ZNF37A: variants seen among roughly 807,000 people sequenced by gnomAD.
ZNF37A encodes the protein zinc finger protein 37a (KOX 21).
ZNF37A carries 10 observed loss-of-function variants against 12.3 expected under a neutral mutation model. That is an observed-to-expected ratio of 0.82 (90% CI 0.50 to 1.38). ZNF37A has a LOEUF of 1.38. Among genes scored for constraint, ZNF37A ranks in the 40% most tolerant of loss-of-function variants. The pLI is 0.00. For missense variants in ZNF37A, 580 were observed against 651.2 expected (o/e 0.89, Z 1.19); for synonymous variants, 207 against 223.0 (o/e 0.93, Z 0.64).
rs146954381 is a variant in ZNF37A at position 38,145,892 on chromosome 10, G to C, written c.239-840G>C. ...GGCGGGCAGATCACCTGAAGTCAGG[G>C]GCTCGAGACCAGCCTGGTCAACTAT... is the stretch of plus-strand genomic sequence containing the variant. On this transcript the variant is annotated intron_variant, in intron 7 of 7. Coordinates refer to the ZNF37A transcript ENST00000638053. Among the ~76,000 whole-genome samples, 282 of 152,216 alleles carry C rather than the reference G, an allele frequency of 1.9e-3. 8 individuals carry two copies. The East Asian group carries it at 0.048, about 26-fold the overall frequency.
In ZNF37A at chr10:38,118,921, G is replaced by A; in HGVS notation, c.*84G>A. 6.8e-7 allele frequency: 1 copy of A among 1,479,492 alleles called. No individual in the cohort carries two copies. Among genetic ancestry groups the A allele is most frequent in the Admixed American group, 2.4e-5 (1 of 40,940 alleles). The allele number at this position is 1,479,492 out of a possible 1,614,324, so 91.6% of individuals were successfully genotyped here. ...ATAATGAGAACACCTTTGCCCTGAA[G>A]TCAGTTCTCACAGTATAGAAGAGAA... On this transcript the variant is annotated 3_prime_UTR_variant, in exon 8 of 8. Transcript: ENST00000685332.
intron 1 of ZNF37A, 137 bp from the exon 2 acceptor site, chr10:38,094,794 G>C (rs2067013065): frequency 6.6e-6 from 1 of 152,386 alleles, no homozygotes; most frequent in Middle Eastern, 3.4e-3. Flanking sequence ...CCTGTGGTCG[G>C]CGTCGCCGCG....
chr10:38,125,268 A>G (rs753637902), downstream of ZNF37A: 8 of 152,218 alleles, frequency 5.3e-5, no homozygotes, highest in African/African-American at 1.9e-4. Context: ...GGAAATGGAA[A>G]GGCGAGTAAT....
In ZNF37A at chr10:38,117,948, C is replaced by A. The variant is rs764079308; in HGVS notation, c.797C>A (p.Thr266Lys). 2 of 1,613,866 alleles carry A rather than the reference C, an allele frequency of 1.2e-6. No homozygotes were observed. Among genetic ancestry groups the A allele is most frequent in the Admixed American group, 3.3e-5 (2 of 59,970 alleles). The part of the protein sequence containing the change: ...LVLHLQQRTH[T>K]GEKPYECHEC... ...CTTCATTTACAACAGAGAACACATA[C>A]AGGAGAAAAACCTTATGAATGTCAT... Residue 266 changes from threonine (T) to lysine (K), a missense_variant, in exon 8 of 8, where the codon ACA becomes AAA. Thr to Lys is a moderately conservative substitution (Grantham distance 78). Transcript: ENST00000685332.
At chr10:38,141,655 T>C (rs1489150848) in intron 7 of ZNF37A, 1 of 152,228 alleles carries the variant, frequency 6.6e-6, no homozygotes, top group African/African-American at 2.4e-5. Context: ...TATAGTATTA[T>C]ACCAATGTTA....
intron 7 of ZNF37A, chr10:38,143,671 G>C (rs2070216084): frequency 6.6e-6 from 1 of 152,202 alleles, no homozygotes; most frequent in African/African-American, 2.4e-5. Context: ...TCATTGCTCT[G>C]TTGTCAAGAA....
rs1246121777 is a variant in ZNF37A at position 38,120,720 on chromosome 10, G to C, written c.*1883G>C. Reference sequence around the variant, plus strand: ...CCTGGGGGTCAGGGGAAGGCATGGGGGGGACCAGAAACCAGAAGAACAATC... The same window carrying C: ...CCTGGGGGTCAGGGGAAGGCATGGGCGGGACCAGAAACCAGAAGAACAATC... On this transcript the variant is annotated 3_prime_UTR_variant, in exon 8 of 8. Transcript: ENST00000685332. The C allele has an allele frequency of 6.6e-6, 1 of 151,692 alleles. No individual in the cohort carries two copies. Among genetic ancestry groups the C allele is most frequent in the African/African-American group, 2.4e-5 (1 of 41,178 alleles). The allele number at this position is 151,692 out of a possible 1,614,324, so 9.4% of individuals were successfully genotyped here.
At chr10:38,117,361 C>G (rs1353314834) in intron 7 of ZNF37A, 29 bp from the exon 8 acceptor site, 1 of 1,535,076 alleles carries the variant, frequency 6.5e-7, no homozygotes, top group Admixed American at 2.2e-5. Context: ...TCCTCGTCAA[C>G]TAACCTTTCT....
At chr10:38,132,189 G>A (rs1413910956) in intron 7 of ZNF37A, among the ~76,000 whole-genome samples, 1 of 152,006 alleles carries the variant, frequency 6.6e-6, no homozygotes, top group Non-Finnish European at 1.5e-5. Flanking sequence ...GTTCTTAGTG[G>A]GAAATCTTTT....
In ZNF37A at chr10:38,118,001, T is replaced by G; in HGVS notation, c.850T>G (p.Ser284Ala). 9.3e-6 allele frequency: 15 copies of G among 1,613,984 alleles called. No homozygotes were observed. Among genetic ancestry groups the G allele is most frequent in the Non-Finnish European group, 1.3e-5 (15 of 1,180,026 alleles). Residue 284 changes from serine (S) to alanine (A), a missense_variant, in exon 8 of 8, where the codon TCA becomes GCA. By Grantham distance (99) the Ser-to-Ala change is moderately conservative. Transcript: ENST00000685332. ...HECGKTFTQK[S>A]AHTRHQRTHT... ...ATGTGGAAAAACCTTCACCCAGAAG[T>G]CAGCCCACACAAGACATCAGAGAAC...
At chr10:38,094,793 G>C (rs1235965031) in intron 1 of ZNF37A, 138 bp from the exon 2 acceptor site, 2 of 152,346 alleles carry the variant, frequency 1.3e-5, no homozygotes, top group Middle Eastern at 3.4e-3. Context: ...ACCTGTGGTC[G>C]GCGTCGCCGC....
Position 38,121,297 on chromosome 10 carries a change from C to T in ZNF37A, c.*2460C>T, listed in dbSNP as rs1186717844. The T allele has an allele frequency of 6.6e-6, 1 of 151,996 alleles. No homozygotes were observed. The highest frequency in any genetic ancestry group is 2.4e-5 in the African/African-American group (1 of 41,402). The allele number at this position is 151,996 out of a possible 1,614,324, so 9.4% of individuals were successfully genotyped here. ...CCTAAAATTGAAAAAAACATCTAGC[C>T]ATATCCATAAACTATATCATCACCA... is the stretch of plus-strand genomic sequence containing the variant. On this transcript the variant is annotated 3_prime_UTR_variant, in exon 8 of 8. Coordinates refer to ENST00000685332, the MANE Select transcript of ZNF37A (RefSeq NM_001324250.3).
Position 38,119,351 on chromosome 10 carries a change from G to A in ZNF37A, c.*514G>A. The A allele has an allele frequency of 1.0e-6, 1 of 1,004,760 alleles. No individual in the cohort carries two copies. 62.2% of individuals were successfully genotyped at this position (1,004,760 alleles called of 1,614,324 possible). On this transcript the variant is annotated 3_prime_UTR_variant, in exon 8 of 8. Transcript: ENST00000685332. ...AAATCATTCTGTGTGAAGTCAAGAG[G>A]CCAGAGAAAATGCACAAACTGTAGG...
chr10:38,108,505 G>A (rs935181712), intron 5 of ZNF37A, among the ~76,000 whole-genome samples: 5 of 152,154 alleles, frequency 3.3e-5, no homozygotes, highest in South Asian at 2.1e-4. Context: ...CAGAACTGAC[G>A]GAGATAGAGA....
intron 7 of ZNF37A, among the ~76,000 whole-genome samples, chr10:38,132,961 G>C (rs2070052337): frequency 6.6e-6 from 1 of 151,826 alleles, no homozygotes; most frequent in African/African-American, 2.4e-5. Flanking sequence ...TTTGTCATTA[G>C]GTGCATAAAT....
chr10:38,104,123 T>C (rs1436099321), intron 5 of ZNF37A, among the ~76,000 whole-genome samples: 3 of 152,180 alleles, frequency 2.0e-5, no homozygotes, highest in Admixed American at 1.3e-4. Flanking sequence ...TGTGTTTCCT[T>C]CCCAGTTTTT....
intron 5 of ZNF37A, among the ~76,000 whole-genome samples, chr10:38,112,758 T>C (rs554409525): frequency 0.019 from 2,535 of 130,210 alleles, 276 homozygotes; most frequent in Middle Eastern, 0.029. Context: ...TTCTTTTCTT[T>C]TCTTTTCTTT....
intron 4 of ZNF37A, 127 bp from the exon 5 acceptor site, chr10:38,096,447 C>G: frequency 1.7e-6 from 1 of 604,030 alleles, no homozygotes; most frequent in Admixed American, 3.1e-5. Flanking sequence ...TGAGTCCAAG[C>G]AGTACATAAT....
chr10:38,117,075 C>A, intron 7 of ZNF37A: 2 of 681,320 alleles, frequency 2.9e-6, no homozygotes, highest in Non-Finnish European at 3.6e-6. Flanking sequence ...CGTCACTACA[C>A]TCCAGCCTGG....
Sources: gnomAD v4.1 joint callset for allele counts (sites outside exome capture counted in the v4.1 genomes callset) on GRCh38, gnomAD v4.1.1 for gene constraint, MANE v1.5 for transcripts, NCBI Gene and HGNC (gene_info 2026-07-23, HGNC 2026-07-21) for gene names.